Variants in MARK3 observed in about 807,000 individuals in gnomAD.
MARK3 encodes the protein microtubule affinity regulating kinase 3, also known as MAP/microtubule affinity-regulating kinase 3.
MARK3 carries 46 observed loss-of-function variants against 90.1 expected under a neutral mutation model. The ratio of observed to expected loss-of-function variants is 0.51; its 90% CI spans 0.40 to 0.65. The LOEUF (loss-of-function observed/expected upper bound fraction) is 0.65. Ranked by LOEUF, MARK3 falls within the 30% of genes least tolerant of loss-of-function variation. MARK3 has a pLI of 0.00. For synonymous variants in MARK3, 321 were observed against 332.6 expected, an observed-to-expected ratio of 0.97 and a Z score of 0.38; for missense variants, 818 against 947.2, an observed-to-expected ratio of 0.86 and a Z score of 1.79.
Position 103,502,971 on chromosome 14 carries a change from C to A in MARK3, c.2006C>A (p.Ser669Ter). The A allele has an allele frequency of 6.2e-7, 1 of 1,614,258 alleles. No homozygotes were observed. The change falls in exon 18 of 18, where the codon TCA becomes TAA. Residue 669 changes from serine (S) to a stop codon, truncating the protein, a stop_gained. Coordinates refer to ENST00000429436, the MANE Select transcript of MARK3 (RefSeq NM_001128918.3). LOFTEE classifies it high-confidence loss of function. ...RFTWSMKTTSSMDPGDMMREI... is the reference protein window; with the variant it reads ...RFTWSMKTTS The stretch of plus-strand genomic sequence containing the variant: ...ACCTGGAGCATGAAAACCACTAGTT[C>A]AATGGATCCCGGGGACATGATGCGG...
intron 3 of MARK3, among the ~76,000 whole-genome samples, chr14:103,446,523 A>AAAAT (rs532978442): frequency 6.6e-6 from 1 of 152,070 alleles, no homozygotes; most frequent in African/African-American, 2.4e-5. Context: ...CTCCGTCTCA[A>AAAAT]AAATAAATAA....
At chr14:103,426,343 C>T (rs538186879) in intron 2 of MARK3, among the ~76,000 whole-genome samples, 6 of 149,498 alleles carry the variant, frequency 4.0e-5, no homozygotes, top group African/African-American at 1.5e-4. Context: ...ATACAACCCA[C>T]ATTTGGGGGA....
intron 2 of MARK3, among the ~76,000 whole-genome samples, chr14:103,407,552 C>CTT (rs2091379143): frequency 9.7e-5 from 7 of 72,306 alleles, no homozygotes; most frequent in Non-Finnish European, 1.9e-4. Flanking sequence ...CCTGTTTTGC[C>CTT]TCTTTTTTTT....
intron 11 of MARK3, 34 bp from the exon 12 acceptor site, chr14:103,467,999 T>C: frequency 1.2e-6 from 2 of 1,606,568 alleles, no homozygotes; most frequent in Non-Finnish European, 1.7e-6. Context: ...GGGTTCGTGT[T>C]GTGGTTTGCT....
At position 103,385,809 on chromosome 14, in the gene MARK3, T is replaced by G; in HGVS notation, c.-221T>G. On this transcript the variant is annotated 5_prime_UTR_variant, in exon 1 of 18. Coordinates refer to ENST00000429436, the MANE Select transcript of MARK3 (RefSeq NM_001128918.3). Reference sequence around the variant, plus strand: ...CGCCACTGCCGCCCTCCCGGTCTCCTCGCCTCGGCCGCCGAGGCAGGGAGA... The same window carrying G: ...CGCCACTGCCGCCCTCCCGGTCTCCGCGCCTCGGCCGCCGAGGCAGGGAGA... 1 of 434,422 alleles carries G rather than the reference T, an allele frequency of 2.3e-6. No individual in the cohort carries two copies. Among genetic ancestry groups the G allele is most frequent in the East Asian group, 3.6e-5 (1 of 27,546 alleles). The allele number at this position is 434,422 out of a possible 1,614,324, so 26.9% of individuals were successfully genotyped here.
chr14:103,406,095 C>T lies in MARK3; in HGVS notation c.243+828C>T, dbSNP rs369587002. Among the ~76,000 whole-genome samples, 33 of 151,960 alleles carry T rather than the reference C, an allele frequency of 2.2e-4. No homozygotes were observed. The South Asian group carries it at 3.5e-3, about 16-fold the overall frequency. On this transcript the variant is annotated intron_variant, in intron 2 of 17. Coordinates refer to ENST00000429436, the MANE Select transcript of MARK3 (RefSeq NM_001128918.3). Reference sequence around the variant, plus strand: ...TTTTTTGTAGAGACAGGGTTCTCACCGTGTTGCCCAGGCTGGTCTTGAACT... The same window carrying T: ...TTTTTTGTAGAGACAGGGTTCTCACTGTGTTGCCCAGGCTGGTCTTGAACT...
At chr14:103,462,752 G>A (rs756943878) in intron 7 of MARK3, among the ~76,000 whole-genome samples, 76 of 152,180 alleles carry the variant, frequency 5.0e-4, no homozygotes, top group Non-Finnish European at 9.7e-4. Context: ...CACGCCCACA[G>A]CATCCTCAGT....
At chr14:103,497,533 C>T (rs1407943311) in intron 15 of MARK3, among the ~76,000 whole-genome samples, 1 of 152,070 alleles carries the variant, frequency 6.6e-6, no homozygotes, top group East Asian at 1.9e-4. Flanking sequence ...TTTTAATGAC[C>T]AGAGTTACCC....
intron 2 of MARK3, among the ~76,000 whole-genome samples, chr14:103,425,663 G>A (rs10148970): frequency 0.62 from 93,933 of 152,076 alleles, 30,165 homozygotes; most frequent in Middle Eastern, 0.75. Flanking sequence ...GTGTTTGCCT[G>A]TTTCAGTAGT....
chr14:103,483,627 G>C (rs1393833432), intron 14 of MARK3, among the ~76,000 whole-genome samples: 1 of 152,146 alleles, frequency 6.6e-6, no homozygotes, highest in Non-Finnish European at 1.5e-5. Flanking sequence ...AATGACACAG[G>C]GAGCATAGGT....
At chr14:103,428,159 G>A (rs2092470338) in intron 2 of MARK3, among the ~76,000 whole-genome samples, 1 of 152,162 alleles carries the variant, frequency 6.6e-6, no homozygotes, top group African/African-American at 2.4e-5. Flanking sequence ...AGGGTCTCTT[G>A]TATTTAGGGT....
chr14:103,474,843 A>T (rs2093688652), intron 12 of MARK3, 150 bp from the exon 13 acceptor site: 15 of 618,038 alleles, frequency 2.4e-5, no homozygotes, highest in Non-Finnish European at 2.8e-6. Context: ...CAAACATTAG[A>T]TATAAGTGGG....
chr14:103,405,685 C>A (rs2091244411), intron 2 of MARK3, among the ~76,000 whole-genome samples: 1 of 151,864 alleles, frequency 6.6e-6, no homozygotes, highest in African/African-American at 2.4e-5. Flanking sequence ...CAAGTTCTAA[C>A]CACATAATAT....
chr14:103,438,874 G>C (rs762613955), intron 3 of MARK3, among the ~76,000 whole-genome samples: 5 of 151,880 alleles, frequency 3.3e-5, no homozygotes, highest in Non-Finnish European at 5.9e-5. Context: ...TGTAGTCCTA[G>C]CTACTTAGGG....
At chr14:103,462,267 G>A in intron 6 of MARK3, 138 bp from the exon 7 acceptor site, 1 of 557,920 alleles carries the variant, frequency 1.8e-6, no homozygotes. Flanking sequence ...CAAGGCATAG[G>A]AAAATTGTTT....
At chr14:103,475,297 T>C in intron 13 of MARK3, 87 bp downstream of exon 13, 1 of 1,099,624 alleles carries the variant, frequency 9.1e-7, no homozygotes, top group Non-Finnish European at 1.4e-6. Flanking sequence ...TCCTGTGGTC[T>C]CTCGTACTGG....
Position 103,475,129 on chromosome 14 carries a change from A to G in MARK3, c.1401A>G (p.Pro467=). 1 of 1,614,216 alleles carries G rather than the reference A, an allele frequency of 6.2e-7. No homozygotes were observed. The highest frequency in any genetic ancestry group is 8.5e-7 in the Non-Finnish European group (1 of 1,180,034). ...GSAVGGKGIA[P]ASPMLGNASN... ...CTGTTGGAGGAAAGGGAATTGCTCCAGCCAGTCCCATGCTTGGGAATGCAA... is the reference window on the plus strand; with the variant it reads ...CTGTTGGAGGAAAGGGAATTGCTCCGGCCAGTCCCATGCTTGGGAATGCAA... Residue 467 remains proline, a synonymous_variant, in exon 13 of 18, where the codon CCA becomes CCG. Coordinates refer to ENST00000429436, the MANE Select transcript of MARK3 (RefSeq NM_001128918.3).
intron 5 of MARK3, among the ~76,000 whole-genome samples, chr14:103,455,904 A>C (rs1426820923): frequency 6.6e-6 from 1 of 152,132 alleles, no homozygotes; most frequent in Admixed American, 6.6e-5. Flanking sequence ...TATTTTCACT[A>C]AGCTGATGGA....
At chr14:103,425,028 C>T (rs2092353841) in intron 2 of MARK3, among the ~76,000 whole-genome samples, 1 of 151,262 alleles carries the variant, frequency 6.6e-6, no homozygotes, top group East Asian at 1.9e-4. Context: ...GCAACCTCTA[C>T]CTCCCAAATT....
Sources: allele counts gnomAD v4.1 joint callset (sites outside exome capture counted in the v4.1 genomes callset), GRCh38; gene constraint gnomAD v4.1.1; transcripts MANE v1.5; gene names NCBI Gene and HGNC (gene_info 2026-07-23, HGNC 2026-07-21).